The following TBC1D5 variants were observed in gnomAD, a reference collection of about 807,000 sequenced individuals.
TBC1D5 encodes TBC1 domain family member 5.
Under a neutral mutation model 100.3 loss-of-function variants are expected in TBC1D5, and 75 were observed. That is an observed-to-expected ratio of 0.75 (90% confidence interval 0.62 to 0.91). The LOEUF (loss-of-function observed/expected upper bound fraction) is 0.91, where lower values mean the gene tolerates loss of function less well. TBC1D5 is among the 40% of genes least tolerant of loss of function. TBC1D5 has a pLI of 0.00. For synonymous variants in TBC1D5, 323 were observed against 325.6 expected (o/e 0.99, Z 0.09); for missense variants, 910 against 942.4 (o/e 0.97, Z 0.45).
intron 2 of TBC1D5, among the ~76,000 whole-genome samples, chr3:17,552,715 A>G (rs1029650671): frequency 1.3e-5 from 2 of 151,246 alleles, no homozygotes; most frequent in Non-Finnish European, 3.0e-5. Flanking sequence ...TGGAGAGAGA[A>G]TGGGGTCTAT....
chr3:17,685,822 T>C (rs2153818408), intron 1 of TBC1D5, among the ~76,000 whole-genome samples: 1 of 152,274 alleles, frequency 6.6e-6, no homozygotes, highest in South Asian at 2.1e-4. Context: ...ATAATAATGC[T>C]ACAGCCTTTC....
chr3:17,648,819 G>A (rs937091593), intron 1 of TBC1D5, among the ~76,000 whole-genome samples: 5 of 152,034 alleles, frequency 3.3e-5, no homozygotes, highest in African/African-American at 4.8e-5. Context: ...TTAGAAAGTC[G>A]AAACATAACA....
At chr3:17,616,985 G>C (rs1408578133) in intron 2 of TBC1D5, among the ~76,000 whole-genome samples, 1 of 152,178 alleles carries the variant, frequency 6.6e-6, no homozygotes, top group African/African-American at 2.4e-5. Flanking sequence ...TCATAGCATT[G>C]ATGGTTTTTA....
At chr3:17,261,207 A>G (rs1244593515) in intron 15 of TBC1D5, among the ~76,000 whole-genome samples, 1 of 152,226 alleles carries the variant, frequency 6.6e-6, no homozygotes, top group Non-Finnish European at 1.5e-5. Flanking sequence ...TCTCTATTAA[A>G]TAAGGTTTTA....
intron 19 of TBC1D5, among the ~76,000 whole-genome samples, chr3:17,177,754 A>C (rs2067947249): frequency 6.6e-6 from 1 of 152,002 alleles, no homozygotes; most frequent in Non-Finnish European, 1.5e-5. Flanking sequence ...TTTATTTTTA[A>C]ATTTTTGCAA....
At chr3:17,213,335 T>C (rs935900610) in intron 18 of TBC1D5, among the ~76,000 whole-genome samples, 2 of 152,222 alleles carry the variant, frequency 1.3e-5, no homozygotes, top group Admixed American at 1.3e-4. Flanking sequence ...CCTCTGAATG[T>C]ATCATTGTTG....
intron 1 of TBC1D5, among the ~76,000 whole-genome samples, chr3:17,687,500 GA>G (rs1249557697): frequency 6.6e-5 from 10 of 152,032 alleles, no homozygotes. Context: ...ATAACAAGGA[GA>G]GGGGGAAAAA....
chr3:17,731,767 G>C (rs1039834001), intron 1 of TBC1D5, among the ~76,000 whole-genome samples: 18 of 152,188 alleles, frequency 1.2e-4, no homozygotes, highest in African/African-American at 4.1e-4. Context: ...AGGATGTAGA[G>C]AATGGAGTAA....
chr3:17,393,381 G>A (rs2152342330), intron 8 of TBC1D5, among the ~76,000 whole-genome samples: 1 of 152,198 alleles, frequency 6.6e-6, no homozygotes, highest in East Asian at 1.9e-4. Flanking sequence ...TCAATATCAT[G>A]AAAATGGCCA....
chr3:17,220,036 A>C (rs1317392154), intron 17 of TBC1D5, among the ~76,000 whole-genome samples: 1 of 152,056 alleles, frequency 6.6e-6, no homozygotes, highest in African/African-American at 2.4e-5. Context: ...GTGAGGAAAA[A>C]ATTTCTGTTA....
At chr3:17,613,252 A>G (rs566653482) in intron 2 of TBC1D5, among the ~76,000 whole-genome samples, 96 of 152,308 alleles carry the variant, frequency 6.3e-4, no homozygotes, top group African/African-American at 2.1e-3. Context: ...TCCATGGTGT[A>G]TATGGGCCAC....
intron 2 of TBC1D5, among the ~76,000 whole-genome samples, chr3:17,548,130 A>G (rs1268011493): frequency 6.6e-6 from 1 of 152,098 alleles, no homozygotes; most frequent in East Asian, 1.9e-4. Flanking sequence ...CAAGGCTAAC[A>G]TGGTGAAACC....
chr3:17,515,595 T>C (rs2095974951), intron 2 of TBC1D5, among the ~76,000 whole-genome samples: 1 of 152,184 alleles, frequency 6.6e-6, no homozygotes, highest in Admixed American at 6.5e-5. Flanking sequence ...ATGACAACAA[T>C]CACTTAATAA....
chr3:17,507,578 A>C (rs2095857249), intron 3 of TBC1D5, among the ~76,000 whole-genome samples: 1 of 152,214 alleles, frequency 6.6e-6, no homozygotes, highest in Non-Finnish European at 1.5e-5. Flanking sequence ...CATCAGTATA[A>C]ACAGAAAAAA....
chr3:17,519,996 C>A (rs2096045603), intron 2 of TBC1D5, among the ~76,000 whole-genome samples: 1 of 152,154 alleles, frequency 6.6e-6, no homozygotes, highest in Non-Finnish European at 1.5e-5. Flanking sequence ...GTGAAAATTA[C>A]CACCATGATA....
intron 2 of TBC1D5, among the ~76,000 whole-genome samples, chr3:17,508,835 T>C (rs1253840780): frequency 6.6e-6 from 1 of 152,186 alleles, no homozygotes; most frequent in South Asian, 2.1e-4. Context: ...ATAATCTTTA[T>C]CTTAATTTTG....
intron 2 of TBC1D5, among the ~76,000 whole-genome samples, chr3:17,610,855 A>G (rs1335423248): frequency 6.6e-6 from 1 of 152,120 alleles, no homozygotes; most frequent in Non-Finnish European, 1.5e-5. Context: ...CATGTCTACT[A>G]AAAATACAAA....
chr3:17,255,627 C>T (rs991680202), intron 16 of TBC1D5, among the ~76,000 whole-genome samples: 32 of 152,196 alleles, frequency 2.1e-4, no homozygotes, highest in African/African-American at 6.8e-4. Flanking sequence ...TTATTTTTTA[C>T]ATATCTACTT....
chr3:17,703,482 A>C (rs1446674603), intron 1 of TBC1D5, among the ~76,000 whole-genome samples: 2 of 152,164 alleles, frequency 1.3e-5, no homozygotes, highest in Non-Finnish European at 2.9e-5. Flanking sequence ...AGCAAACTGC[A>C]AATTTTTTTT....
Sources: gnomAD v4.1 joint callset for allele counts (sites outside exome capture counted in the v4.1 genomes callset) on GRCh38, gnomAD v4.1.1 for gene constraint, MANE v1.5 for transcripts, NCBI Gene and HGNC (gene_info 2026-07-23, HGNC 2026-07-21) for gene names.